Variants in GALNT7 observed in about 807,000 individuals in gnomAD.
GALNT7 encodes polypeptide N-acetylgalactosaminyltransferase 7.
A neutral mutation model predicts 82.1 loss-of-function variants in GALNT7; 60 were observed. That is an observed-to-expected ratio of 0.73 (90% confidence interval 0.59 to 0.91). The LOEUF (loss-of-function observed/expected upper bound fraction) is 0.91, where lower values mean the gene tolerates loss of function less well. Among genes scored for constraint, GALNT7 ranks in the 40% least tolerant of loss-of-function variants. The pLI is 0.00. For missense variants in GALNT7, 660 were observed against 804.2 expected (o/e 0.82, Z 2.17); for synonymous variants, 243 against 275.1 (o/e 0.88, Z 1.15).
chr4:173,313,658 G>C (rs1482092731), intron 8 of GALNT7, among the ~76,000 whole-genome samples: 1 of 151,324 alleles, frequency 6.6e-6, no homozygotes, highest in East Asian at 1.9e-4. Context: ...AACTCTCTCT[G>C]AGATTCAATT....
chr4:173,295,812 G>A lies in GALNT7; in HGVS notation c.934G>A (p.Ala312Thr). Residue 312 changes from alanine to threonine, a missense_variant, in exon 5 of 12, where the codon GCA becomes ACA. Transcript: ENST00000265000. Reference sequence around the variant, plus strand: ...CTGTGAGGTGGCAGTTAACTGGTATGCACCACTTGTAGCTCCCATATCTAA... The same window carrying A: ...CTGTGAGGTGGCAGTTAACTGGTATACACCACTTGTAGCTCCCATATCTAA... ...AHCEVAVNWYAPLVAPISKDR... is the reference protein window; with the variant it reads ...AHCEVAVNWYTPLVAPISKDR... The A allele has an allele frequency of 6.2e-7, 1 of 1,608,406 alleles. No homozygotes were observed. The highest frequency in any genetic ancestry group is 2.2e-5 in the East Asian group (1 of 44,832).
intron 1 of GALNT7, among the ~76,000 whole-genome samples, chr4:173,228,545 C>T (rs1376172393): frequency 1.3e-5 from 2 of 151,976 alleles, no homozygotes; most frequent in African/African-American, 4.8e-5. Flanking sequence ...AGTATACAGG[C>T]TGCAGTGAGC....
intron 2 of GALNT7, among the ~76,000 whole-genome samples, chr4:173,262,808 A>G (rs183678112): frequency 1.4e-3 from 208 of 152,314 alleles, no homozygotes; most frequent in African/African-American, 4.9e-3. Flanking sequence ...CATACTTCCC[A>G]TTTCGTCTCA....
intron 2 of GALNT7, among the ~76,000 whole-genome samples, chr4:173,282,271 T>C (rs1005609700): frequency 6.6e-6 from 1 of 152,174 alleles, no homozygotes; most frequent in African/African-American, 2.4e-5. Flanking sequence ...CCTGTGCAAG[T>C]TTCTGTGGAG....
intron 1 of GALNT7, among the ~76,000 whole-genome samples, chr4:173,173,620 ACC>A (rs1731948172): frequency 1.3e-5 from 2 of 152,080 alleles, no homozygotes; most frequent in African/African-American, 4.8e-5. Context: ...GGAGTGTGCA[ACC>A]CGGATCCCTT....
At chr4:173,272,959 A>C (rs189279641) in intron 2 of GALNT7, among the ~76,000 whole-genome samples, 2 of 152,332 alleles carry the variant, frequency 1.3e-5, no homozygotes, top group African/African-American at 2.4e-5. Context: ...ATTACTATCA[A>C]TGTTTAAGAC....
rs747165369 is a variant in GALNT7, at chr4:173,318,412, C to A, written c.1708-19C>A. 7 of 1,588,166 alleles carry A rather than the reference C, an allele frequency of 4.4e-6. No homozygotes were observed. In the South Asian group the frequency reaches 8.1e-5, roughly 18 times the overall value. On this transcript the variant is annotated intron_variant, in intron 10 of 11. Transcript: ENST00000265000. ...GGGAAGGTGCCTCTGTTACTTAATT[C>A]TCTCTTTTCCTTTTACAGCTTTTCA...
intron 1 of GALNT7, among the ~76,000 whole-genome samples, chr4:173,182,221 C>T (rs1732269978): frequency 6.6e-6 from 1 of 152,078 alleles, no homozygotes; most frequent in Non-Finnish European, 1.5e-5. Context: ...TATGATTCTG[C>T]ATTTATAAAT....
At chr4:173,220,909 C>CTGG (rs1733624807) in intron 1 of GALNT7, among the ~76,000 whole-genome samples, 2 of 152,094 alleles carry the variant, frequency 1.3e-5, no homozygotes, top group Admixed American at 6.5e-5. Flanking sequence ...CATTGTTGGA[C>CTGG]ATTTGGGTTG....
At chr4:173,310,502 T>C (rs1269113595) in intron 8 of GALNT7, among the ~76,000 whole-genome samples, 1 of 152,188 alleles carries the variant, frequency 6.6e-6, no homozygotes, top group Non-Finnish European at 1.5e-5. Context: ...GTGTCATTGA[T>C]CTGAAAATTA....
At chr4:173,321,473 T>G in intron 11 of GALNT7, 107 bp from the exon 12 acceptor site, 1 of 759,560 alleles carries the variant, frequency 1.3e-6, no homozygotes, top group Non-Finnish European at 2.2e-6. Flanking sequence ...GTTGAGAAGC[T>G]TTTCCATTTC....
intron 2 of GALNT7, among the ~76,000 whole-genome samples, chr4:173,291,196 T>C (rs980147601): frequency 6.6e-6 from 1 of 152,160 alleles, no homozygotes; most frequent in African/African-American, 2.4e-5. Flanking sequence ...GTAGTTAGGG[T>C]CAGAAGAAGA....
chr4:173,232,071 A>G (rs941022418), intron 1 of GALNT7, among the ~76,000 whole-genome samples: 12 of 152,194 alleles, frequency 7.9e-5, no homozygotes, highest in African/African-American at 2.9e-4. Context: ...GGAAGAGAGG[A>G]GGAAAGCAGG....
At chr4:173,177,374 G>T (rs905460557) in intron 1 of GALNT7, among the ~76,000 whole-genome samples, 6 of 152,142 alleles carry the variant, frequency 3.9e-5, no homozygotes, top group Non-Finnish European at 7.3e-5. Flanking sequence ...TCAAGTGAAG[G>T]TGTCTTAACC....
intron 6 of GALNT7, among the ~76,000 whole-genome samples, chr4:173,299,924 C>T (rs1736858494): frequency 6.6e-6 from 1 of 151,596 alleles, no homozygotes; most frequent in South Asian, 2.1e-4. Context: ...GAAAATATCA[C>T]CTAAAATGTA....
intron 1 of GALNT7, among the ~76,000 whole-genome samples, chr4:173,247,306 G>T (rs1734678409): frequency 1.3e-5 from 2 of 151,084 alleles, no homozygotes; most frequent in Non-Finnish European, 2.9e-5. Flanking sequence ...CTTGTACAAA[G>T]AATCTGTTTT....
chr4:173,248,044 A>T lies in GALNT7; in HGVS notation c.191A>T (p.Asp64Val), dbSNP rs1306106164. ...GGCAATGGACTAGCTCCTGGGGAGG[A>T]CAGATTCAAACCTGTGGTACCATGG... ...RGGNGLAPGE[D>V]RFKPVVPWPH... The change falls in exon 2 of 12, where the codon GAC (aspartate) becomes GTC (valine). Residue 64 changes from aspartate (D) to valine (V), a missense_variant. This residue lies in a region of GALNT7 where 133 missense variants were observed against 120.7 expected (regional missense o/e 1.10). Transcript: ENST00000265000. The T allele has an allele frequency of 1.2e-6, 2 of 1,613,740 alleles. No homozygotes were observed. The highest frequency in any genetic ancestry group is 3.3e-5 in the Admixed American group (2 of 59,976).
In GALNT7 at chr4:173,302,998, C is replaced by T. The variant is rs1363515459; in HGVS notation, c.1266+834C>T. 6.6e-6 allele frequency among the ~76,000 whole-genome samples: 1 copy of T among 152,126 alleles called. No homozygotes were observed. Among genetic ancestry groups the T allele is most frequent in the Admixed American group, 6.5e-5 (1 of 15,270 alleles). Reference sequence around the variant, plus strand: ...GATCATGAGGTCAAGAGATCGAGACCATCCTAGCCAACATGGTGAAACCCC... The same window carrying T: ...GATCATGAGGTCAAGAGATCGAGACTATCCTAGCCAACATGGTGAAACCCC... On this transcript the variant is annotated intron_variant, in intron 7 of 11. Transcript: ENST00000265000. The surrounding 1 kb of genome is among the most constrained non-coding windows in gnomAD (Gnocchi z 4.2).
intron 1 of GALNT7, among the ~76,000 whole-genome samples, chr4:173,236,883 T>C (rs965856062): frequency 1.3e-5 from 2 of 152,172 alleles, no homozygotes; most frequent in African/African-American, 4.8e-5. Context: ...GAAAGGACAG[T>C]TCTTTTATCT....
Sources: gnomAD v4.1 joint callset for allele counts (sites outside exome capture counted in the v4.1 genomes callset) on GRCh38, gnomAD v4.1.1 for gene constraint, gnomAD v4.1.1 regional missense constraint, Gnocchi (gnomAD v3.1) non-coding constraint, MANE v1.5 for transcripts, NCBI Gene and HGNC (gene_info 2026-07-23, HGNC 2026-07-21) for gene names.